STBD1: variants seen among roughly 807,000 people sequenced by gnomAD.
STBD1 encodes the protein starch binding domain 1, also known as starch-binding domain-containing protein 1.
In STBD1, 13 loss-of-function variants were observed where a neutral mutation model predicts 10.5. The observed-to-expected ratio is 1.24, with a 90% CI of 0.81 to 1.97. The LOEUF (loss-of-function observed/expected upper bound fraction) is 1.97. Among genes scored for constraint, STBD1 ranks in the 30% most tolerant of loss-of-function variants. The probability of loss-of-function intolerance (pLI) is 0.00; values close to 1 mark genes in which losing one functional copy is unlikely to be tolerated. For missense variants in STBD1, 427 were observed against 435.6 expected, an observed-to-expected ratio of 0.98 and a Z score of 0.17; for synonymous variants, 146 against 160.2, an observed-to-expected ratio of 0.91 and a Z score of 0.67.
At chr4:76,308,739 G>A (rs17316459) in intron 1 of STBD1, among the ~76,000 whole-genome samples, 1,836 of 152,334 alleles carry the variant, frequency 0.012, 20 homozygotes, top group Middle Eastern at 0.031. Context: ...GGTTTGTAAC[G>A]TAGCCACGCA....
chr4:76,307,089 G>T (rs940765112), intron 1 of STBD1, 100 bp downstream of exon 1: 6 of 1,241,066 alleles, frequency 4.8e-6, no homozygotes, highest in East Asian at 5.0e-5. Flanking sequence ...TTTCCTAGGG[G>T]CCCATTCCTG....
intron 1 of STBD1, 92 bp downstream of exon 1, chr4:76,307,081 T>C: frequency 7.6e-7 from 1 of 1,317,198 alleles, no homozygotes; most frequent in South Asian, 1.3e-5. Flanking sequence ...CCTGGAGCTT[T>C]CCTAGGGGCC....
chr4:76,309,487 CCT>C lies in STBD1; in HGVS notation c.569_570del (p.Ser190Ter). On this transcript the variant is annotated frameshift_variant, in exon 2 of 2. Coordinates refer to ENST00000237642, the MANE Select transcript of STBD1 (RefSeq NM_003943.5). LOFTEE classifies it low-confidence loss of function (END_TRUNC). ...AGAACAGAGCTAAAGAAGAAATGAG[CCT>C]CTCTGATTTGAACAGTCAGGACCGG... ...LKNRAKEEMSLSDLNSQDRVD... is the reference protein window; with the variant it reads ...LKNRAKEEMSXSDLNSQDRVD... 1 of 1,614,212 alleles carries C rather than the reference CCT, an allele frequency of 6.2e-7. No individual in the cohort carries two copies. The highest frequency in any genetic ancestry group is 1.7e-5 in the Admixed American group (1 of 60,030).
chr4:76,308,223 C>T (rs1189979485), intron 1 of STBD1, among the ~76,000 whole-genome samples: 2 of 144,490 alleles, frequency 1.4e-5, no homozygotes, highest in African/African-American at 5.1e-5. Flanking sequence ...GAACCGAAAT[C>T]GTACCACTGC....
rs1433671348 is a variant in STBD1, at chr4:76,309,515, G to C, written c.592G>C (p.Val198Leu). ...SLSDLNSQDR[V>L]DHEEWEMVPR... ...CTCTGATTTGAACAGTCAGGACCGG[G>C]TTGACCACGAGGAGTGGGAAATGGT... is the stretch of plus-strand genomic sequence containing the variant. Residue 198 changes from valine (V) to leucine (L), a missense_variant, in exon 2 of 2, where the codon GTT becomes CTT. Transcript: ENST00000237642. The C allele has an allele frequency of 1.9e-6, 3 of 1,614,254 alleles. No homozygotes were observed. In the Admixed American group the frequency reaches 5.0e-5, roughly 27 times the overall value.
intron 1 of STBD1, among the ~76,000 whole-genome samples, chr4:76,307,235 G>A (rs1718801096): frequency 6.6e-6 from 1 of 152,180 alleles, no homozygotes; most frequent in African/African-American, 2.4e-5. Context: ...GCCCGCGCCT[G>A]AGGACTTGGT....
chr4:76,309,679 A>C lies in STBD1; in HGVS notation c.756A>C (p.Glu252Asp). 6.2e-7 allele frequency: 1 copy of C among 1,614,212 alleles called. No homozygotes were observed. The highest frequency in any genetic ancestry group is 8.5e-7 in the Non-Finnish European group (1 of 1,180,022). ...GTCAGCAAGTGCATGGGAAAATGGA[A>C]AGGGTAGCAGTGATGCCTGCAGGGT... ...ARGQQVHGKM[E>D]RVAVMPAGSQ... The change falls in exon 2 of 2, where the codon GAA becomes GAC. Residue 252 changes from glutamate (E) to aspartate (D), a missense_variant. Transcript: ENST00000237642.
chr4:76,309,780 A>C lies in STBD1; in HGVS notation c.857A>C (p.Asp286Ala), dbSNP rs1421081540. The C allele has an allele frequency of 6.2e-7, 1 of 1,614,118 alleles. No homozygotes were observed. Among genetic ancestry groups the C allele is most frequent in the African/African-American group, 1.3e-5 (1 of 74,944 alleles). The change falls in exon 2 of 2, where the codon GAC (aspartate) becomes GCC (alanine). Residue 286 changes from aspartate (D) to alanine (A), a missense_variant. Coordinates refer to ENST00000237642, the MANE Select transcript of STBD1 (RefSeq NM_003943.5). ...TDVQFIAVTG[D>A]HECLGRWNTY... ...GTGCAATTCATTGCAGTAACTGGAG[A>C]CCATGAGTGTCTTGGGAGATGGAAC... is the stretch of plus-strand genomic sequence containing the variant.
Position 76,310,550 on chromosome 4 carries a change from T to A in STBD1, c.*550T>A, listed in dbSNP as rs1718914469. On this transcript the variant is annotated 3_prime_UTR_variant, in exon 2 of 2. Coordinates refer to ENST00000237642, the MANE Select transcript of STBD1 (RefSeq NM_003943.5). ...GAAACTGTGATTAGAAAATATCTGG[T>A]CTGGATGTGATTAGTAAGGATACAA... 6.4e-6 allele frequency: 1 copy of A among 155,428 alleles called. No individual in the cohort carries two copies. Among genetic ancestry groups the A allele is most frequent in the Admixed American group, 6.3e-5 (1 of 15,836 alleles). 9.6% of individuals were successfully genotyped at this position (155,428 alleles called of 1,614,324 possible).
At chr4:76,307,393 A>G (rs1324594910) in intron 1 of STBD1, among the ~76,000 whole-genome samples, 1 of 152,252 alleles carries the variant, frequency 6.6e-6, no homozygotes, top group Non-Finnish European at 1.5e-5. Flanking sequence ...CTGCCCAAGC[A>G]GGGACATTTT....
At chr4:76,307,731 C>G (rs1432853551) in intron 1 of STBD1, among the ~76,000 whole-genome samples, 1 of 152,150 alleles carries the variant, frequency 6.6e-6, no homozygotes, top group South Asian at 2.1e-4. Flanking sequence ...TTTTAGGGAC[C>G]GTTTGCTAAG....
intron 1 of STBD1, among the ~76,000 whole-genome samples, chr4:76,308,913 C>G (rs1578828409): frequency 6.6e-6 from 1 of 152,356 alleles, no homozygotes; most frequent in African/African-American, 2.4e-5. Flanking sequence ...TGCTGGCACA[C>G]TGATACTCCT....
Position 76,309,885 on chromosome 4 carries a change from G to C in STBD1, c.962G>C (p.Trp321Ser), listed in dbSNP as rs1464690644. 2 of 1,614,074 alleles carry C rather than the reference G, an allele frequency of 1.2e-6. No homozygotes were observed. The highest frequency in any genetic ancestry group is 2.2e-5 in the South Asian group (2 of 91,092). Residue 321 changes from tryptophan to serine, a missense_variant, in exon 2 of 2, where the codon TGG becomes TCG. Transcript: ENST00000237642. ...CTGCCTGCAGATACAGTGGTGGAGT[G>C]GAAGTTTGTGTTGGTAGAGAATGGG... is the stretch of plus-strand genomic sequence containing the variant. ...IFLPADTVVEWKFVLVENGGV... is the reference protein window; with the variant it reads ...IFLPADTVVESKFVLVENGGV...
At chr4:76,308,739 G>T (rs17316459) in intron 1 of STBD1, among the ~76,000 whole-genome samples, 4 of 152,338 alleles carry the variant, frequency 2.6e-5, no homozygotes, top group African/African-American at 9.6e-5. Context: ...GGTTTGTAAC[G>T]TAGCCACGCA....
rs768524371 is a variant in STBD1 at position 76,306,994 on chromosome 4, T to C, written c.220+5T>C. On this transcript the variant is annotated splice_donor_5th_base_variant and intron_variant, in intron 1 of 1. Transcript: ENST00000237642. ...AGGAGCTGGTCACCAAACCAGGTAT[T>C]CTTCCCCCCGTGACTCCAGGGCACA... 16 of 1,578,826 alleles carry C rather than the reference T, an allele frequency of 1.0e-5. No homozygotes were observed. In the South Asian group the frequency reaches 1.6e-4, roughly 16 times the overall value.
chr4:76,307,543 C>T (rs1578827359), intron 1 of STBD1, among the ~76,000 whole-genome samples: 1 of 152,168 alleles, frequency 6.6e-6, no homozygotes, highest in African/African-American at 2.4e-5. Flanking sequence ...GGACTCTGGC[C>T]ATGAAGGCTG....
In STBD1 at chr4:76,306,799, T is replaced by C; in HGVS notation, c.30T>C (p.Val10=). Residue 10 remains valine (V), a synonymous_variant, in exon 1 of 2, where the codon GTT becomes GTC. Coordinates refer to ENST00000237642, the MANE Select transcript of STBD1 (RefSeq NM_003943.5). MGAVWSALL[V]GGGLAGALFV... is the part of the protein sequence containing the mutation. ...GCGCCGTCTGGTCCGCCCTGCTGGT[T>C]GGAGGGGGTCTGGCCGGAGCACTTT... 1 of 1,612,690 alleles carries C rather than the reference T, an allele frequency of 6.2e-7. No homozygotes were observed. The highest frequency in any genetic ancestry group is 2.2e-5 in the East Asian group (1 of 44,820).
chr4:76,307,473 C>T (rs1306296155), intron 1 of STBD1, among the ~76,000 whole-genome samples: 1 of 152,234 alleles, frequency 6.6e-6, no homozygotes, highest in Non-Finnish European at 1.5e-5. Context: ...TTTGGGAACA[C>T]CCGAACTGCG....
chr4:76,309,749 AC>A lies in STBD1; in HGVS notation c.827del (p.Thr276MetfsTer8), dbSNP rs762797442. 1.4e-4 allele frequency: 228 copies of A among 1,614,258 alleles called. 6 individuals are homozygous for A. The highest frequency in any genetic ancestry group is 8.7e-4 in the East Asian group (39 of 44,892). The stretch of plus-strand genomic sequence containing the variant: ...GTTCCAGGTCCATTATGTCACAAGC[AC>A]TGATGTGCAATTCATTGCAGTAACT... ...VRFQVHYVTS[T>X]DVQFIAVTGD... On this transcript the variant is annotated frameshift_variant, in exon 2 of 2. Coordinates refer to ENST00000237642, the MANE Select transcript of STBD1 (RefSeq NM_003943.5). LOFTEE classifies it high-confidence loss of function.
Sources: gnomAD v4.1 joint callset for allele counts (sites outside exome capture counted in the v4.1 genomes callset) on GRCh38, gnomAD v4.1.1 for gene constraint, MANE v1.5 for transcripts, NCBI Gene and HGNC (gene_info 2026-07-23, HGNC 2026-07-21) for gene names.